The following HROB variants were observed in gnomAD, a reference collection of about 807,000 sequenced individuals.
HROB encodes the protein homologous recombination OB-fold protein.
HROB carries 44 observed loss-of-function variants against 61.0 expected under a neutral mutation model. That is an observed-to-expected ratio of 0.72 (90% CI 0.57 to 0.93). HROB has a LOEUF of 0.93. Among genes scored for constraint, HROB ranks in the 40% least tolerant of loss-of-function variants. HROB has a pLI of 0.00. For missense variants in HROB, 716 were observed against 796.2 expected (o/e 0.90, Z 1.21); for synonymous variants, 301 against 310.4 (o/e 0.97, Z 0.32).
intron 8 of HROB, among the ~76,000 whole-genome samples, chr17:44,157,412 T>TC (rs974207085): frequency 7.4e-6 from 1 of 135,036 alleles, no homozygotes; most frequent in African/African-American, 2.6e-5. Context: ...TTTCTTTTTT[T>TC]TTTTTTTTTT....
At chr17:44,142,306 A>G (rs535542560) in intron 1 of HROB, among the ~76,000 whole-genome samples, 161 bp downstream of exon 1, 3 of 152,082 alleles carry the variant, frequency 2.0e-5, no homozygotes, top group Non-Finnish European at 2.9e-5. Context: ...AGGGCTTGTC[A>G]TGGACGCGCC....
At chr17:44,151,155 T>C in intron 4 of HROB, 111 bp downstream of exon 4, 2 of 1,149,450 alleles carry the variant, frequency 1.7e-6, no homozygotes, top group East Asian at 2.5e-5. Context: ...TGTTTGCTGG[T>C]GTCACACACT....
rs35879996 is a variant in HROB, at chr17:44,147,882, G to A, written c.79G>A (p.Ala27Thr). 5,603 of 1,613,560 alleles carry A rather than the reference G, an allele frequency of 3.5e-3. 156 individuals are homozygous for A. The African/African-American group carries it at 0.061, about 17-fold the overall frequency. Reference sequence around the variant, plus strand: ...GGATTTCTTGTCTGCTGTGGAGGATGCAGAGAACCGGTTTACTGGCTCACT... The same window carrying A: ...GGATTTCTTGTCTGCTGTGGAGGATACAGAGAACCGGTTTACTGGCTCACT... ...DEDFLSAVEDAENRFTGSLPV... is the reference protein window; with the variant it reads ...DEDFLSAVEDTENRFTGSLPV... Residue 27 changes from alanine to threonine, a missense_variant, in exon 3 of 10, where the codon GCA becomes ACA. Ala to Thr is a moderately conservative substitution (Grantham distance 58, BLOSUM62 0). Coordinates refer to ENST00000585683, the MANE Select transcript of HROB (RefSeq NM_001171251.3).
chr17:44,154,481 C>T, intron 5 of HROB, 75 bp from the exon 6 acceptor site: 2 of 1,463,360 alleles, frequency 1.4e-6, no homozygotes, highest in South Asian at 2.3e-5. Context: ...CCCCGGTTGC[C>T]CTGGCACACT....
rs1215852194 is a variant in HROB at position 44,148,716 on chromosome 17, A to T, written c.913A>T (p.Ser305Cys). Reference protein sequence around the residue: ...RFPCQPFQSPSSWLSGKAHLP... With the variant: ...RFPCQPFQSPCSWLSGKAHLP... ...CCCTTGTCAGCCATTCCAGTCTCCAAGTTCCTGGTTAAGTGGCAAAGCTCA... is the reference window on the plus strand; with the variant it reads ...CCCTTGTCAGCCATTCCAGTCTCCATGTTCCTGGTTAAGTGGCAAAGCTCA... Residue 305 changes from serine (S) to cysteine (C), a missense_variant, in exon 3 of 10, where the codon AGT becomes TGT. Ser to Cys is a moderately radical substitution (Grantham distance 112, BLOSUM62 -1). Coordinates refer to ENST00000585683, the MANE Select transcript of HROB (RefSeq NM_001171251.3). 2 of 1,614,194 alleles carry T rather than the reference A, an allele frequency of 1.2e-6. No individual in the cohort carries two copies. Among genetic ancestry groups the T allele is most frequent in the Non-Finnish European group, 1.7e-6 (2 of 1,180,034 alleles).
At chr17:44,154,527 G>T (rs201140158) in intron 5 of HROB, 29 bp from the exon 6 acceptor site, 6 of 1,612,248 alleles carry the variant, frequency 3.7e-6, no homozygotes, top group African/African-American at 1.3e-5. Context: ...GCCGTGGAAG[G>T]CTCAGCATAT....
At chr17:44,144,209 C>T (rs2053544930) in intron 1 of HROB, among the ~76,000 whole-genome samples, 1 of 151,130 alleles carries the variant, frequency 6.6e-6, no homozygotes, top group South Asian at 2.1e-4. Context: ...GGTGCGATCT[C>T]GGCTCACTGC....
In HROB at chr17:44,152,637, A is replaced by G. The variant is rs1217300208; in HGVS notation, c.1309A>G (p.Ile437Val). The G allele has an allele frequency of 1.2e-6, 2 of 1,613,816 alleles. No individual in the cohort carries two copies. The highest frequency in any genetic ancestry group is 2.7e-5 in the African/African-American group (2 of 74,880). ...CTCCCCCTCTGCTCTGTGGTACCAG[A>G]TTGTTGCTAGTTCCCAGGCATCTGT... ...HGALAKFQTE[I>V]VASSQASVEE... The change falls in exon 5 of 10, where the codon ATT becomes GTT. Residue 437 changes from isoleucine to valine, a missense_variant and splice_region_variant. Coordinates refer to ENST00000585683, the MANE Select transcript of HROB (RefSeq NM_001171251.3).
intron 4 of HROB, among the ~76,000 whole-genome samples, chr17:44,152,063 T>C (rs550464880): frequency 6.6e-6 from 1 of 152,180 alleles, no homozygotes; most frequent in South Asian, 2.1e-4. Flanking sequence ...GCCAGGATGG[T>C]CTCCATCTTC....
At chr17:44,147,319 C>T (rs2053638374) in intron 2 of HROB, among the ~76,000 whole-genome samples, 1 of 152,052 alleles carries the variant, frequency 6.6e-6, no homozygotes, top group African/African-American at 2.4e-5. Context: ...AAGACTTAGC[C>T]TTAGATTGGA....
chr17:44,162,111 C>CACTTTGG lies in HROB; in HGVS notation c.*180_*186dup. The CACTTTGG allele has an allele frequency of 3.4e-6, 2 of 581,236 alleles. No individual in the cohort carries two copies. The highest frequency in any genetic ancestry group is 5.8e-6 in the Non-Finnish European group (2 of 344,350). The allele number at this position is 581,236 out of a possible 1,614,324, so 36.0% of individuals were successfully genotyped here. A position where few individuals can be genotyped will look rare whatever the true frequency, so the allele number is the denominator to read the frequency against. ...AGCCCCCTCATCTCTGCGCTGCCCT[C>CACTTTGG]ACTTTGGGCCTTCCTTTGCCGTTGG... On this transcript the variant is annotated 3_prime_UTR_variant, in exon 10 of 10. Coordinates refer to ENST00000585683, the MANE Select transcript of HROB (RefSeq NM_001171251.3).
chr17:44,153,814 C>T (rs1026663049), intron 5 of HROB, among the ~76,000 whole-genome samples: 3 of 151,880 alleles, frequency 2.0e-5, no homozygotes, highest in Non-Finnish European at 4.4e-5. Context: ...CTTTGGGAGG[C>T]TGAGGCGGGC....
intron 3 of HROB, among the ~76,000 whole-genome samples, chr17:44,150,392 C>CTTT (rs34260212): frequency 9.8e-5 from 14 of 142,812 alleles, no homozygotes; most frequent in Non-Finnish European, 1.4e-4. Flanking sequence ...TTCTTTCTTT[C>CTTT]TTTTTTTTTT....
chr17:44,155,513 G>T, intron 8 of HROB, 102 bp downstream of exon 8: 1 of 1,510,500 alleles, frequency 6.6e-7, no homozygotes, highest in Non-Finnish European at 8.8e-7. Flanking sequence ...AGGTCTGAAG[G>T]GGGCAGGTGC....
In HROB at chr17:44,141,953, C is replaced by A; in HGVS notation, c.-190C>A. 2.7e-6 allele frequency: 2 copies of A among 730,838 alleles called. No individual in the cohort carries two copies. The highest frequency in any genetic ancestry group is 4.2e-6 in the Non-Finnish European group (2 of 474,470). The allele number at this position is 730,838 out of a possible 1,614,324, so 45.3% of individuals were successfully genotyped here. ...CCAGTGGCGGCGTCTTCGAATGCGG[C>A]CTAAGGCGCCTGCCGCCAGTCTCCT... On this transcript the variant is annotated 5_prime_UTR_variant, in exon 1 of 10. Coordinates refer to ENST00000585683, the MANE Select transcript of HROB (RefSeq NM_001171251.3).
chr17:44,161,565 T>A (rs2054140893), intron 9 of HROB, among the ~76,000 whole-genome samples: 1 of 152,192 alleles, frequency 6.6e-6, no homozygotes. Flanking sequence ...TGAAGCCTTC[T>A]TGTTTGGCAC....
chr17:44,151,867 G>C (rs1209639023), intron 4 of HROB, among the ~76,000 whole-genome samples: 1 of 151,466 alleles, frequency 6.6e-6, no homozygotes, highest in Non-Finnish European at 1.5e-5. Context: ...TTATTTTTGA[G>C]ACGGATTCTC....
intron 1 of HROB, among the ~76,000 whole-genome samples, chr17:44,142,535 C>T (rs1480804914): frequency 1.4e-5 from 2 of 146,792 alleles, no homozygotes; most frequent in Non-Finnish European, 3.0e-5. Flanking sequence ...GGCGTGATCT[C>T]TGCTCACTGC....
chr17:44,155,408 C>T lies in HROB; in HGVS notation c.1767C>T (p.Pro589=). The T allele has an allele frequency of 6.2e-7, 1 of 1,614,012 alleles. No homozygotes were observed. Among genetic ancestry groups the T allele is most frequent in the Non-Finnish European group, 8.5e-7 (1 of 1,179,954 alleles). The change falls in exon 8 of 10, where the codon CCC becomes CCT. Residue 589 remains proline (P), a synonymous_variant. Coordinates refer to ENST00000585683, the MANE Select transcript of HROB (RefSeq NM_001171251.3). ...GSFLKPSQPF[P]KDSGSFQHDV... is the part of the protein sequence containing the mutation. The stretch of plus-strand genomic sequence containing the variant: ...TCCTCAAGCCATCTCAGCCCTTCCC[C>T]AAGGTAAGAGGAGCAGGAAGAAACG...
Sources: gnomAD v4.1 joint callset for allele counts (sites outside exome capture counted in the v4.1 genomes callset) on GRCh38, gnomAD v4.1.1 for gene constraint, MANE v1.5 for transcripts, NCBI Gene and HGNC (gene_info 2026-07-23, HGNC 2026-07-21) for gene names.